Variants in MMP28 observed in about 807,000 individuals in gnomAD.
The protein encoded by MMP28 is matrix metallopeptidase 28, also known as matrix metalloproteinase-28.
In MMP28, 55 loss-of-function variants were observed where a neutral mutation model predicts 60.5. That is an observed-to-expected ratio of 0.91 (90% CI 0.73 to 1.14). The LOEUF is 1.14. Ranked by LOEUF, MMP28 falls within the 50% of genes most tolerant of loss-of-function variation. The pLI, the probability that MMP28 is intolerant of heterozygous loss-of-function variation, is 0.00. For synonymous variants in MMP28, 318 were observed against 312.5 expected (o/e 1.02, Z -0.18); for missense variants, 686 against 738.3 (o/e 0.93, Z 0.82).
chr17:35,771,171 G>A (rs371707876), intron 4 of MMP28, among the ~76,000 whole-genome samples: 3 of 152,154 alleles, frequency 2.0e-5, no homozygotes, highest in Admixed American at 2.0e-4. Context: ...GGTGGCTCAC[G>A]CCTGTAATCC....
intron 1 of MMP28, among the ~76,000 whole-genome samples, chr17:35,792,147 C>T (rs1018800649): frequency 1.3e-5 from 2 of 152,140 alleles, no homozygotes; most frequent in Admixed American, 6.5e-5. Context: ...CCCATTCCCA[C>T]GTTCTTCTCA....
intron 4 of MMP28, among the ~76,000 whole-genome samples, chr17:35,771,747 ATATATAT>A (rs2143286228): frequency 7.9e-5 from 7 of 88,562 alleles, no homozygotes; most frequent in East Asian, 6.6e-4. Flanking sequence ...ATATATATAT[ATATATAT>A]AAAATTGTGT....
At chr17:35,763,592 A>T (rs1422444803), downstream of MMP28, among the ~76,000 whole-genome samples, 2 of 151,548 alleles carry the variant, frequency 1.3e-5, no homozygotes, top group African/African-American at 4.8e-5. Flanking sequence ...GGACTTAAAA[A>T]ATTTTTTTGA....
intron 1 of MMP28, among the ~76,000 whole-genome samples, chr17:35,780,533 T>C (rs1481050131): frequency 6.6e-6 from 1 of 152,086 alleles, no homozygotes; most frequent in Admixed American, 6.5e-5. Context: ...CTAGGTACAA[T>C]AAAAAATAAG....
downstream of MMP28, among the ~76,000 whole-genome samples, chr17:35,762,910 G>A (rs1272052806): frequency 2.0e-5 from 3 of 152,006 alleles, no homozygotes; most frequent in Non-Finnish European, 4.4e-5. Context: ...CAGATCACGA[G>A]GTCAGATCGA....
chr17:35,776,761 C>A (rs2086343760), intron 3 of MMP28, among the ~76,000 whole-genome samples: 1 of 151,936 alleles, frequency 6.6e-6, no homozygotes, highest in South Asian at 2.1e-4. Context: ...TGGTGGCGTG[C>A]ACCTGTAATC....
In MMP28 at chr17:35,773,295, GC is replaced by G. The variant is rs2143316717; in HGVS notation, c.488del (p.Ser163ThrfsTer64). 1.2e-6 allele frequency: 2 copies of G among 1,613,938 alleles called. No homozygotes were observed. Among genetic ancestry groups the G allele is most frequent in the East Asian group, 4.5e-5 (2 of 44,874 alleles). ...CCCAGAACTCCAGCGCTGAGACGTTGCTCCACAACTGGAAGGCGGCGCGCAC... is the reference window on the plus strand; with the variant it reads ...CCCAGAACTCCAGCGCTGAGACGTTGTCCACAACTGGAAGGCGGCGCGCAC... ...GAVRAAFQLW[S>X]NVSALEFWEA... On this transcript the variant is annotated frameshift_variant, in exon 4 of 8. Transcript: ENST00000605424. LOFTEE classifies it high-confidence loss of function.
chr17:35,777,759 G>A (rs1398277278), intron 3 of MMP28, among the ~76,000 whole-genome samples: 1 of 152,234 alleles, frequency 6.6e-6, no homozygotes, highest in Non-Finnish European at 1.5e-5. Context: ...TTAATATTAT[G>A]CACGGTAGGC....
At chr17:35,791,251 A>G (rs1255600277) in intron 1 of MMP28, among the ~76,000 whole-genome samples, 1 of 151,952 alleles carries the variant, frequency 6.6e-6, no homozygotes, top group East Asian at 2.0e-4. Context: ...ATAAAATTCT[A>G]CTATTGTAGA....
At chr17:35,772,970 C>T (rs1555606256) in intron 4 of MMP28, among the ~76,000 whole-genome samples, 1 of 152,222 alleles carries the variant, frequency 6.6e-6, no homozygotes, top group Non-Finnish European at 1.5e-5. Flanking sequence ...CCTTGCAGAG[C>T]TTCATCTGAC....
intron 1 of MMP28, 26 bp downstream of exon 1, chr17:35,795,241 C>T (rs1186856382): frequency 2.9e-6 from 4 of 1,367,196 alleles, no homozygotes; most frequent in Non-Finnish European, 3.8e-6. Context: ...ACACGCACCG[C>T]TCTCCGCCAG....
At chr17:35,793,354 A>G (rs73990299) in intron 1 of MMP28, among the ~76,000 whole-genome samples, 1 of 152,272 alleles carries the variant, frequency 6.6e-6, no homozygotes, top group African/African-American at 2.4e-5. Context: ...CCGCACTTGC[A>G]GGGAGGTGGG....
chr17:35,793,449 C>T (rs2086873668), intron 1 of MMP28, among the ~76,000 whole-genome samples: 1 of 152,078 alleles, frequency 6.6e-6, no homozygotes, highest in Non-Finnish European at 1.5e-5. Context: ...TTGTAAGAGT[C>T]TCAATTCAGA....
intron 1 of MMP28, among the ~76,000 whole-genome samples, chr17:35,795,065 C>A (rs2086928470): frequency 1.3e-5 from 2 of 152,222 alleles, no homozygotes; most frequent in African/African-American, 4.8e-5. Context: ...CCCATCAGTG[C>A]GGATCCGCGT....
intron 1 of MMP28, among the ~76,000 whole-genome samples, chr17:35,782,098 C>CTGGT (rs1293814646): frequency 6.8e-6 from 1 of 147,934 alleles, no homozygotes; most frequent in Non-Finnish European, 1.5e-5. Flanking sequence ...GTCGCCCAGG[C>CTGGT]TGGTGTACAG....
chr17:35,772,459 T>TTTGC (rs1280753694), intron 4 of MMP28, among the ~76,000 whole-genome samples: 1 of 152,168 alleles, frequency 6.6e-6, no homozygotes, highest in Non-Finnish European at 1.5e-5. Context: ...GGATGTGGGC[T>TTTGC]TTGCTGTAGG....
intron 7 of MMP28, among the ~76,000 whole-genome samples, 181 bp downstream of exon 7, chr17:35,767,571 A>C (rs1457527388): frequency 1.3e-5 from 2 of 152,234 alleles, no homozygotes; most frequent in East Asian, 3.9e-4. Context: ...GCTGCTCCCT[A>C]ATCCATCCCT....
chr17:35,759,028 G>A (rs1555600983), intron 2 of MMP28, among the ~76,000 whole-genome samples: 1 of 152,250 alleles, frequency 6.6e-6, no homozygotes, highest in Non-Finnish European at 1.5e-5. Flanking sequence ...CATGGTGCCA[G>A]TGTCCATGGG....
At chr17:35,780,033 C>A (rs566716330) in intron 1 of MMP28, among the ~76,000 whole-genome samples, 19 of 152,204 alleles carry the variant, frequency 1.2e-4, no homozygotes, top group Non-Finnish European at 2.1e-4. Flanking sequence ...CAGTTATCTT[C>A]CCCACCGATG....
Sources: allele counts gnomAD v4.1 joint callset (sites outside exome capture counted in the v4.1 genomes callset), GRCh38; gene constraint gnomAD v4.1.1; transcripts MANE v1.5; gene names NCBI Gene and HGNC (gene_info 2026-07-23, HGNC 2026-07-21).